CSTPP1: variants seen among roughly 807,000 people sequenced by gnomAD.
CSTPP1 encodes the protein centriolar satellite-associated tubulin polyglutamylase complex regulator 1, also known as UPF0705 protein C11orf49.
At chr11:47,159,519 A>C in the CSTPP1 span, 7 of 417,512 alleles carry the variant, frequency 1.7e-5, no homozygotes, top group South Asian at 1.7e-5. Context: ...AAAAAGAAAA[A>C]AAAAACAAAA....
chr11:46,939,112 T>A, the CSTPP1 span, among the ~76,000 whole-genome samples: 1 of 137,816 alleles, frequency 7.3e-6, no homozygotes, highest in Non-Finnish European at 1.6e-5. Flanking sequence ...TTTTTTGAGA[T>A]GGAGTTTCAC....
At chr11:47,162,343 G>GC in the CSTPP1 span, 1 of 770,326 alleles carries the variant, frequency 1.3e-6, no homozygotes, top group South Asian at 5.9e-5. Flanking sequence ...TAGGCCAGTG[G>GC]CCCACTCAGA....
At chr11:47,160,869 G>C in the CSTPP1 span, 1 of 516,492 alleles carries the variant, frequency 1.9e-6, no homozygotes, top group Non-Finnish European at 3.5e-6. Context: ...TGTTGGAAGG[G>C]GATCACCACA....
chr11:47,037,842 C>T, the CSTPP1 span, among the ~76,000 whole-genome samples: 2 of 128,106 alleles, frequency 1.6e-5, 1 homozygote, highest in Non-Finnish European at 3.7e-5. Context: ...CACCCTTCCC[C>T]CCTTTCTATT....
the CSTPP1 span, among the ~76,000 whole-genome samples, chr11:46,966,173 G>C: frequency 5.9e-5 from 9 of 152,120 alleles, no homozygotes; most frequent in African/African-American, 1.9e-4. Flanking sequence ...CTCCCAAGTA[G>C]CTGGGACTAC....
At chr11:47,152,832 G>GA in the CSTPP1 span, among the ~76,000 whole-genome samples, 1 of 152,166 alleles carries the variant, frequency 6.6e-6, no homozygotes, top group African/African-American at 2.4e-5. Flanking sequence ...TGGGCTCCCT[G>GA]GTGGTTTCCT....
At chr11:47,026,302 AATT>A in the CSTPP1 span, among the ~76,000 whole-genome samples, 1 of 152,178 alleles carries the variant, frequency 6.6e-6, no homozygotes, top group East Asian at 1.9e-4. Context: ...ATGAAAACAC[AATT>A]ATTCTGGATT....
chr11:46,949,767 A>G, the CSTPP1 span, among the ~76,000 whole-genome samples: 1 of 150,862 alleles, frequency 6.6e-6, no homozygotes, highest in African/African-American at 2.4e-5. Flanking sequence ...TCCTGGGTTC[A>G]TGCAATCAAT....
chr11:47,076,111 A>AT, the CSTPP1 span, among the ~76,000 whole-genome samples: 2 of 152,014 alleles, frequency 1.3e-5, no homozygotes, highest in Admixed American at 6.6e-5. Flanking sequence ...AAGACTGGAG[A>AT]TATTAAACTA....
At chr11:47,161,438 C>A in the CSTPP1 span, 2 of 1,612,314 alleles carry the variant, frequency 1.2e-6, no homozygotes, top group Non-Finnish European at 1.7e-6. Flanking sequence ...CCTCTCGCTG[C>A]CCTCCAGGCT....
the CSTPP1 span, among the ~76,000 whole-genome samples, chr11:46,943,140 T>G: frequency 6.6e-6 from 1 of 152,204 alleles, no homozygotes; most frequent in African/African-American, 2.4e-5. Context: ...AAATGGAATA[T>G]GAATAATCTG....
the CSTPP1 span, among the ~76,000 whole-genome samples, chr11:46,957,654 T>C: frequency 6.6e-6 from 1 of 152,194 alleles, no homozygotes; most frequent in Non-Finnish European, 1.5e-5. Flanking sequence ...GTGTAGAAAT[T>C]CATGTATATC....
chr11:47,113,847 T>A, the CSTPP1 span, among the ~76,000 whole-genome samples: 2 of 152,244 alleles, frequency 1.3e-5, no homozygotes, highest in African/African-American at 2.4e-5. Context: ...AGCTCTTTAG[T>A]TTAATTCGAT....
At chr11:47,107,200 T>C in the CSTPP1 span, among the ~76,000 whole-genome samples, 2 of 152,206 alleles carry the variant, frequency 1.3e-5, no homozygotes, top group African/African-American at 2.4e-5. Context: ...CTCAGATTAA[T>C]AGGCTGTTTA....
the CSTPP1 span, among the ~76,000 whole-genome samples, chr11:46,959,202 GTT>G: frequency 7.0e-6 from 1 of 142,322 alleles, no homozygotes; most frequent in Non-Finnish European, 1.5e-5. Flanking sequence ...TGTTTTATTG[GTT>G]TTTTTTTTTG....
chr11:46,963,784 C>CAA, the CSTPP1 span, among the ~76,000 whole-genome samples: 1,169 of 105,258 alleles, frequency 0.011, 15 homozygotes, highest in African/African-American at 0.033. Context: ...GACTCTGTAT[C>CAA]AAAAAAAAAA....
chr11:46,982,246 CTA>C, the CSTPP1 span, among the ~76,000 whole-genome samples: 2 of 151,876 alleles, frequency 1.3e-5, no homozygotes, highest in Non-Finnish European at 2.9e-5. Context: ...AAGGAAAACT[CTA>C]TGTATTTATC....
chr11:47,016,390 C>CAAAAAAAAAAAAA, the CSTPP1 span, among the ~76,000 whole-genome samples: 182 of 125,306 alleles, frequency 1.5e-3, no homozygotes, highest in Non-Finnish European at 2.1e-3. Context: ...ATGGAATCTA[C>CAAAAAAAAAAAAA]AAAAAACAAA....
chr11:47,031,467 G>A, the CSTPP1 span, among the ~76,000 whole-genome samples: 1 of 152,132 alleles, frequency 6.6e-6, no homozygotes, highest in Non-Finnish European at 1.5e-5. Context: ...TGAGGTGGGA[G>A]GATTGCTTTA....
Sources: allele counts gnomAD v4.1 joint callset (sites outside exome capture counted in the v4.1 genomes callset), GRCh38; gene constraint gnomAD v4.1.1; transcripts MANE v1.5; gene names NCBI Gene and HGNC (gene_info 2026-07-23, HGNC 2026-07-21).